Variants in EEF2 observed in about 807,000 individuals in gnomAD.
The protein encoded by EEF2 is elongation factor 2.
EEF2 carries 21 observed loss-of-function variants against 85.3 expected under a neutral mutation model. The observed-to-expected ratio is 0.25, with a 90% confidence interval of 0.17 to 0.35. The LOEUF is 0.35. Among genes scored for constraint, EEF2 ranks in the 10% least tolerant of loss-of-function variants. The pLI, the probability that EEF2 is intolerant of heterozygous loss-of-function variation, is 1.00. For missense variants in EEF2, 825 were observed against 1,225.3 expected, an observed-to-expected ratio of 0.67 and a Z score of 4.88; for synonymous variants, 723 against 508.8, an observed-to-expected ratio of 1.42 and a Z score of -5.67.
chr19:3,985,322 G>A (rs1003114998), intron 1 of EEF2, 56 bp downstream of exon 1: 9 of 1,408,974 alleles, frequency 6.4e-6, no homozygotes, highest in Non-Finnish European at 8.4e-6. Context: ...AGGCAGCGTA[G>A]GCCCCGCGGA....
In EEF2 at chr19:3,979,844, C is replaced by T. The variant is rs3816321; in HGVS notation, c.1569G>A (p.Gly523=). The T allele has an allele frequency of 7.8e-4, 1,260 of 1,613,734 alleles. 14 individuals carry two copies. The East Asian group carries it at 0.016, about 20-fold the overall frequency. The change falls in exon 10 of 15, where the codon GGG becomes GGA. Residue 523 remains glycine (G), a synonymous_variant. Coordinates refer to ENST00000309311, the MANE Select transcript of EEF2 (RefSeq NM_001961.4). ...NPADLPKLVE[G]LKRLAKSDPM... ...GGTCGGACTTGGCCAGCCGCTTCAG[C>T]CCCTCCACCAGCTTGGGCAGGTCAG... is the stretch of plus-strand genomic sequence containing the variant.
intron 11 of EEF2, 29 bp downstream of exon 11, chr19:3,979,300 G>T: frequency 6.3e-7 from 1 of 1,584,258 alleles, no homozygotes; most frequent in Non-Finnish European, 8.7e-7. Context: ...GGGGTGGGGC[G>T]TGGGGAAGGC....
Position 3,985,418 on chromosome 19 carries a change from A to C in EEF2, c.-38T>G, listed in dbSNP as rs2039808295. On this transcript the variant is annotated 5_prime_UTR_variant, in exon 1 of 15. Transcript: ENST00000309311. ...CGGTGGATTCTCCCAGGTAGAACCG[A>C]AAGAAGCGAGTCGCGCCGAGGATGG... is the stretch of plus-strand genomic sequence containing the variant. The C allele has an allele frequency of 6.7e-7, 1 of 1,481,932 alleles. No individual in the cohort carries two copies. The highest frequency in any genetic ancestry group is 9.0e-7 in the Non-Finnish European group (1 of 1,109,614). 91.8% of individuals were successfully genotyped at this position (1,481,932 alleles called of 1,614,324 possible).
chr19:3,979,067 G>A (rs1233992223), intron 11 of EEF2, among the ~76,000 whole-genome samples: 1 of 152,062 alleles, frequency 6.6e-6, no homozygotes, highest in African/African-American at 2.4e-5. Flanking sequence ...GGGAGGTGGA[G>A]GTTCTAGCGA....
intron 1 of EEF2, chr19:3,984,852 T>C (rs766377911): frequency 1.7e-5 from 3 of 172,560 alleles, no homozygotes; most frequent in Non-Finnish European, 3.7e-5. Flanking sequence ...ACCTCGTGTC[T>C]CAATAAGAGT....
At chr19:3,985,270 C>G (rs1381844943) in intron 1 of EEF2, 108 bp downstream of exon 1, 1 of 1,247,340 alleles carries the variant, frequency 8.0e-7, no homozygotes, top group African/African-American at 1.6e-5. Context: ...CCCGCCGCCG[C>G]TACGTCTCCT....
chr19:3,982,489 G>C (rs1338847874), intron 4 of EEF2, 65 bp from the exon 5 acceptor site: 1 of 1,595,510 alleles, frequency 6.3e-7, no homozygotes, highest in Admixed American at 1.7e-5. Context: ...GCTACGGGCT[G>C]GGCGCCTTGG....
In EEF2 at chr19:3,976,543, G is replaced by A. The variant is rs1187154175; in HGVS notation, c.*11C>T. 6.3e-7 allele frequency: 1 copy of A among 1,597,764 alleles called. No homozygotes were observed. Among genetic ancestry groups the A allele is most frequent in the East Asian group, 2.3e-5 (1 of 44,042 alleles). On this transcript the variant is annotated 3_prime_UTR_variant, in exon 15 of 15. Transcript: ENST00000309311. ...AGTCCCCGGGGCGGCAGGCGCTGCA[G>A]GAAGGGCCGCCTACAATTTGTCCAG...
At chr19:3,985,297 C>T (rs1256013649) in intron 1 of EEF2, 81 bp downstream of exon 1, 6 of 1,323,028 alleles carry the variant, frequency 4.5e-6, no homozygotes, top group Non-Finnish European at 5.9e-6. Flanking sequence ...ACGGGGGGCC[C>T]CAGCGTCCCA....
chr19:3,983,275 A>G lies in EEF2; in HGVS notation c.235T>C (p.Tyr79His), dbSNP rs1349228791. 6.2e-7 allele frequency: 1 copy of G among 1,613,616 alleles called. No individual in the cohort carries two copies. Residue 79 changes from tyrosine to histidine, a missense_variant, in exon 3 of 15, where the codon TAC (tyrosine) becomes CAC (histidine). Coordinates refer to ENST00000309311, the MANE Select transcript of EEF2 (RefSeq NM_001961.4). ...TTCAAGTCATTCTCCGAGAGCTCGTAGAAGAGGGAGATGGCACTGATGGAG... is the reference window on the plus strand; with the variant it reads ...TTCAAGTCATTCTCCGAGAGCTCGTGGAAGAGGGAGATGGCACTGATGGAG... ...TIKSTAISLF[Y>H]ELSENDLNFI...
Position 3,983,010 on chromosome 19 carries a change from C to T in EEF2, c.409G>A (p.Val137Met). 1 of 1,612,806 alleles carries T rather than the reference C, an allele frequency of 6.2e-7. No homozygotes were observed. ...VVVDCVSGVC[V>M]QTETVLRQAI... ...TGCCGCAGCACTGTCTCCGTCTGCA[C>T]GCACACGCCTGGGGACACGGGGGAC... is the stretch of plus-strand genomic sequence containing the variant. The change falls in exon 4 of 15, where the codon GTG becomes ATG. Residue 137 changes from valine (V) to methionine (M), a missense_variant. Val to Met is a conservative substitution (Grantham distance 21). Coordinates refer to ENST00000309311, the MANE Select transcript of EEF2 (RefSeq NM_001961.4).
At position 3,980,582 on chromosome 19, in the gene EEF2, C is replaced by T. The variant is rs1357739049; in HGVS notation, c.1278G>A (p.Lys426=). ...TATAGTTGGGCCCCATGATCCTGAC[C>T]TTCAGGCCAGTGGAGACCAGCCCCG... ...VFSGLVSTGL[K]VRIMGPNYTP... The change falls in exon 9 of 15, where the codon AAG becomes AAA. Residue 426 remains lysine, a synonymous_variant. Transcript: ENST00000309311. 28 of 1,614,254 alleles carry T rather than the reference C, an allele frequency of 1.7e-5. No individual in the cohort carries two copies. The South Asian group carries it at 3.1e-4, about 18-fold the overall frequency.
Position 3,977,141 on chromosome 19 carries a change from G to GCTAAGCTTAACTGGGCTTCTGTCC in EEF2, c.2383+50_2383+73dup. The GCTAAGCTTAACTGGGCTTCTGTCC allele has an allele frequency of 1.9e-6, 3 of 1,571,128 alleles. No individual in the cohort carries two copies. The highest frequency in any genetic ancestry group is 2.6e-6 in the Non-Finnish European group (3 of 1,157,910). ...ATCAGGACGCCTCCTTTAACACCTT[G>GCTAAGCTTAACTGGGCTTCTGTCC]CTAAGCTTAACTGGGCTTCTGTCCC... On this transcript the variant is annotated intron_variant, in intron 14 of 14. Transcript: ENST00000309311. This position sits in a 1 kb window ranked among gnomAD's most constrained non-coding sequence, Gnocchi z 5.4.
intron 6 of EEF2, 122 bp from the exon 7 acceptor site, chr19:3,981,574 G>C (rs2039747706): frequency 3.3e-6 from 3 of 901,586 alleles, no homozygotes; most frequent in Non-Finnish European, 5.2e-6. Context: ...GCAGGAGCAG[G>C]CCTGGCCTGC....
chr19:3,982,740 C>A lies in EEF2; in HGVS notation c.612+67G>T. 8 of 1,525,630 alleles carry A rather than the reference C, an allele frequency of 5.2e-6. No individual in the cohort carries two copies. In the South Asian group the frequency reaches 9.4e-5, roughly 18 times the overall value. The allele number at this position is 1,525,630 out of a possible 1,614,324, so 94.5% of individuals were successfully genotyped here. A position where few individuals can be genotyped will look rare whatever the true frequency, so the allele number is the denominator to read the frequency against. On this transcript the variant is annotated intron_variant, in intron 4 of 14. Transcript: ENST00000309311. ...ACTTCCAGTCCCCCTCAGCTCAACTCCACTCCCCACCGGCTCCTGCAGATC... is the reference window on the plus strand; with the variant it reads ...ACTTCCAGTCCCCCTCAGCTCAACTACACTCCCCACCGGCTCCTGCAGATC...
chr19:3,985,284 G>A (rs2039805997), intron 1 of EEF2, 94 bp downstream of exon 1: 1 of 1,289,268 alleles, frequency 7.8e-7, no homozygotes, highest in African/African-American at 1.5e-5. Context: ...GTCTCCTCCT[G>A]GCACGGGGGG....
At position 3,979,700 on chromosome 19, in the gene EEF2, AC is replaced by A. The variant is rs878891718; in HGVS notation, c.1605+107del. ...ACAGCCAAGAACCCCTCCTTTCATG[AC>A]CAGTCACCCCAATCCACCAACCACA... is the stretch of plus-strand genomic sequence containing the variant. On this transcript the variant is annotated intron_variant, in intron 10 of 14. Coordinates refer to ENST00000309311, the MANE Select transcript of EEF2 (RefSeq NM_001961.4). 41 of 1,489,356 alleles carry A rather than the reference AC, an allele frequency of 2.8e-5. No homozygotes were observed. In the South Asian group the frequency reaches 3.8e-4, roughly 14 times the overall value. 92.3% of individuals were successfully genotyped at this position (1,489,356 alleles called of 1,614,324 possible).
In EEF2 at chr19:3,977,642, C is replaced by A; in HGVS notation, c.2068-32G>T. ...GAGGGGGAGAGCCACCGTCAAGGGC[C>A]GGACACACCTCGGCTGCTTGCCCTC... On this transcript the variant is annotated intron_variant, in intron 12 of 14. Transcript: ENST00000309311. This position sits in a 1 kb window ranked among gnomAD's most constrained non-coding sequence, Gnocchi z 5.4. The A allele has an allele frequency of 6.7e-7, 1 of 1,492,168 alleles. No individual in the cohort carries two copies. The highest frequency in any genetic ancestry group is 8.9e-7 in the Non-Finnish European group (1 of 1,126,444). The allele number at this position is 1,492,168 out of a possible 1,614,324, so 92.4% of individuals were successfully genotyped here.
rs1291154435 is a variant in EEF2 at position 3,982,815 on chromosome 19, T to C, written c.604A>G (p.Asn202Asp). ...GCTAGGGAGGGCCGTACCATGATGT[T>C]GCCCATGGGGCCGCTCTCGCCCTCG... ...YGEGESGPMGNIMIDPVLGTV... is the reference protein window; with the variant it reads ...YGEGESGPMGDIMIDPVLGTV... The change falls in exon 4 of 15, where the codon AAC becomes GAC. Residue 202 changes from asparagine (N) to aspartate (D), a missense_variant. Physicochemically the swap from Asn to Asp is conservative, Grantham distance 23. Transcript: ENST00000309311. 4 of 1,610,870 alleles carry C rather than the reference T, an allele frequency of 2.5e-6. No homozygotes were observed. Among genetic ancestry groups the C allele is most frequent in the Non-Finnish European group, 3.4e-6 (4 of 1,179,144 alleles).
Sources: allele counts gnomAD v4.1 joint callset (sites outside exome capture counted in the v4.1 genomes callset), GRCh38; gene constraint gnomAD v4.1.1; non-coding constraint Gnocchi (gnomAD v3.1); transcripts MANE v1.5; gene names NCBI Gene and HGNC (gene_info 2026-07-23, HGNC 2026-07-21).